Variants in GLRA2 observed in about 807,000 individuals in gnomAD.
The protein encoded by GLRA2 is glycine receptor alpha 2.
In GLRA2, 11 loss-of-function variants were observed where a neutral mutation model predicts 31.6. That is an observed-to-expected ratio of 0.35 (90% CI 0.22 to 0.58). The LOEUF is 0.58. GLRA2 is among the 20% of genes least tolerant of loss of function. The probability of loss-of-function intolerance (pLI) is 0.84; values close to 1 mark genes in which losing one functional copy is unlikely to be tolerated. For synonymous variants in GLRA2, 132 were observed against 134.0 expected, an observed-to-expected ratio of 0.99 and a Z score of 0.10; for missense variants, 212 against 351.8, an observed-to-expected ratio of 0.60 and a Z score of 3.18.
At chrX:14,635,124 C>T (rs1290382863) in intron 7 of GLRA2, among the ~76,000 whole-genome samples, 1 of 111,568 alleles carries the variant, frequency 9.0e-6, no homozygotes, top group African/African-American at 3.3e-5. Context: ...TATTATGTAG[C>T]AGCAGACAAA....
In GLRA2 at chrX:14,576,846, T is replaced by C. The variant is rs2089963968; in HGVS notation, c.270+2446T>C. On this transcript the variant is annotated intron_variant, in intron 3 of 8. Coordinates refer to ENST00000218075, the MANE Select transcript of GLRA2 (RefSeq NM_002063.4). The stretch of plus-strand genomic sequence containing the variant: ...CATACACAGCCTGTCTATTCTGCTG[T>C]ATAACACAGATTGAATTGCATGGTT... 1.8e-5 allele frequency among the ~76,000 whole-genome samples: 2 copies of C among 112,805 alleles called. 1 individual carries two copies. Among genetic ancestry groups the C allele is most frequent in the South Asian group, 7.3e-4 (2 of 2,740 alleles).
intron 2 of GLRA2, among the ~76,000 whole-genome samples, chrX:14,540,859 C>T (rs774498454): frequency 4.7e-4 from 50 of 106,322 alleles, no homozygotes; most frequent in Admixed American, 7.2e-4. Context: ...GAAAGAAGGA[C>T]GGAACTGGGG....
At chrX:14,647,533 C>T (rs2090844059) in intron 7 of GLRA2, among the ~76,000 whole-genome samples, 1 of 111,605 alleles carries the variant, frequency 9.0e-6, no homozygotes, top group Non-Finnish European at 1.9e-5. Flanking sequence ...AAAGGGAAAA[C>T]AGGAGACCAA....
chrX:14,532,405 GAGAAATCTTCT>G, intron 2 of GLRA2, 33 bp downstream of exon 2: 1 of 1,033,975 alleles, frequency 9.7e-7, no homozygotes, highest in South Asian at 2.5e-5. Context: ...TTAAGCCTTT[GAGAAATCTTCT>G]AGATGTTTGA....
At chrX:14,451,714 C>T in the GLRA2 span, among the ~76,000 whole-genome samples, 2 of 104,841 alleles carry the variant, frequency 1.9e-5, no homozygotes, top group African/African-American at 7.0e-5. Flanking sequence ...AACTATATGC[C>T]GTCTTCAAGA....
the GLRA2 span, among the ~76,000 whole-genome samples, chrX:14,503,651 G>T: frequency 1.9e-4 from 21 of 111,508 alleles, no homozygotes; most frequent in East Asian, 1.1e-3. Context: ...CAAGGTGAGG[G>T]CATGAGGGCA....
intron 8 of GLRA2, among the ~76,000 whole-genome samples, chrX:14,712,876 A>G (rs1159696916): frequency 2.7e-5 from 3 of 111,686 alleles, no homozygotes; most frequent in African/African-American, 9.8e-5. Flanking sequence ...GACCCCAATG[A>G]TTCCCAAAAG....
the GLRA2 span, among the ~76,000 whole-genome samples, chrX:14,455,934 T>G: frequency 8.9e-6 from 1 of 111,861 alleles, no homozygotes; most frequent in Non-Finnish European, 1.9e-5. Flanking sequence ...TCAACAGTTT[T>G]CTTTGAGGGA....
chrX:14,528,722 C>T (rs2089213696), upstream of GLRA2, among the ~76,000 whole-genome samples: 1 of 112,054 alleles, frequency 8.9e-6, no homozygotes, highest in Non-Finnish European at 1.9e-5. Flanking sequence ...CTGGAATGGG[C>T]AGATGAACTA....
At chrX:14,641,103 T>A (rs1015832129) in intron 7 of GLRA2, among the ~76,000 whole-genome samples, 1 of 111,491 alleles carries the variant, frequency 9.0e-6, no homozygotes, top group Non-Finnish European at 1.9e-5. Flanking sequence ...TGGTTTTAAC[T>A]GGCATGTTCC....
Position 14,672,356 on chromosome X carries a change from AC to A in GLRA2, c.931-18353del, listed in dbSNP as rs760633787. The stretch of plus-strand genomic sequence containing the variant: ...CCAACCAAAATATTTTCACACTTAC[AC>A]TTTATCTTTTAAGCATTCTGTACAC... On this transcript the variant is annotated intron_variant, in intron 7 of 8. Coordinates refer to ENST00000218075, the MANE Select transcript of GLRA2 (RefSeq NM_002063.4). Among the ~76,000 whole-genome samples, 7 of 112,459 alleles carry A rather than the reference AC, an allele frequency of 6.2e-5. No homozygotes were observed. The South Asian group carries it at 2.6e-3, about 41-fold the overall frequency.
chrX:14,571,652 T>A (rs1490678649), intron 2 of GLRA2, among the ~76,000 whole-genome samples: 2 of 111,909 alleles, frequency 1.8e-5, no homozygotes, highest in African/African-American at 6.5e-5. Flanking sequence ...ATACATTCAC[T>A]GGCACACAGC....
At chrX:14,562,186 C>T (rs2089742355) in intron 2 of GLRA2, among the ~76,000 whole-genome samples, 1 of 112,321 alleles carries the variant, frequency 8.9e-6, no homozygotes, top group Non-Finnish European at 1.9e-5. Flanking sequence ...ACAGCTCAAG[C>T]TCTCAAAAAG....
In GLRA2 at chrX:14,599,583, C is replaced by T. The variant is rs747994962; in HGVS notation, c.495-4732C>T. On this transcript the variant is annotated intron_variant, in intron 4 of 8. Transcript: ENST00000218075. ...TCAAGTTCTTTTTTTCCCCCAAACTCATATTTAAAAAATCATAAAATAGCC... is the reference window on the plus strand; with the variant it reads ...TCAAGTTCTTTTTTTCCCCCAAACTTATATTTAAAAAATCATAAAATAGCC... Among the ~76,000 whole-genome samples the T allele has an allele frequency of 5.2e-3, 587 of 112,191 alleles. 3 individuals carry two copies. The highest frequency in any genetic ancestry group is 0.019 in the African/African-American group (572 of 30,906).
At chrX:14,686,194 T>G (rs2147175994) in intron 7 of GLRA2, among the ~76,000 whole-genome samples, 1 of 112,100 alleles carries the variant, frequency 8.9e-6, no homozygotes, top group African/African-American at 3.2e-5. Context: ...TAATGATTTC[T>G]GTTCTTTTAC....
intron 7 of GLRA2, among the ~76,000 whole-genome samples, chrX:14,665,382 T>C (rs1256872299): frequency 1.8e-5 from 2 of 112,145 alleles, no homozygotes; most frequent in African/African-American, 6.5e-5. Context: ...CCTTTCCCTT[T>C]CGTTTCCTCA....
chrX:14,718,727 C>T (rs1277299635), intron 8 of GLRA2, among the ~76,000 whole-genome samples: 1 of 112,031 alleles, frequency 8.9e-6, no homozygotes, highest in Non-Finnish European at 1.9e-5. Flanking sequence ...TGTGGCTTGA[C>T]TTCCTCACAG....
At chrX:14,515,752 A>C in the GLRA2 span, among the ~76,000 whole-genome samples, 1 of 111,921 alleles carries the variant, frequency 8.9e-6, no homozygotes, top group African/African-American at 3.2e-5. Context: ...TGTAATTGTT[A>C]GACATATTTA....
At chrX:14,481,009 C>A in the GLRA2 span, among the ~76,000 whole-genome samples, 1 of 111,162 alleles carries the variant, frequency 9.0e-6, no homozygotes, top group East Asian at 2.8e-4. Context: ...AATCCATGAG[C>A]ATTGAATGTT....
Sources: gnomAD v4.1 joint callset for allele counts (sites outside exome capture counted in the v4.1 genomes callset) on GRCh38, gnomAD v4.1.1 for gene constraint, MANE v1.5 for transcripts, NCBI Gene and HGNC (gene_info 2026-07-23, HGNC 2026-07-21) for gene names.